ELOVL5: variants seen among roughly 807,000 people sequenced by gnomAD.
ELOVL5 encodes very long chain fatty acid elongase 5.
In ELOVL5, 8 loss-of-function variants were observed where a neutral mutation model predicts 38.6. The observed-to-expected ratio is 0.21, with a 90% CI of 0.12 to 0.37. ELOVL5 has a LOEUF of 0.37. Ranked by LOEUF, ELOVL5 falls within the 10% of genes least tolerant of loss-of-function variation. ELOVL5 has a pLI of 1.00. For missense variants in ELOVL5, 280 were observed against 367.8 expected, an observed-to-expected ratio of 0.76 and a Z score of 1.95; for synonymous variants, 127 against 133.7, an observed-to-expected ratio of 0.95 and a Z score of 0.34.
At chr6:53,300,010 C>CA (rs558986308) in intron 1 of ELOVL5, among the ~76,000 whole-genome samples, 279 of 152,164 alleles carry the variant, frequency 1.8e-3, no homozygotes, top group Middle Eastern at 6.8e-3. Flanking sequence ...GAAATGACTA[C>CA]AGTGAAAAGG....
chr6:53,294,591 C>G, intron 2 of ELOVL5: 1 of 1,387,554 alleles, frequency 7.2e-7, no homozygotes, highest in Non-Finnish European at 9.5e-7. Context: ...GTAATGCAAG[C>G]TAATAATTAT....
At chr6:53,312,947 A>C (rs1767902627) in intron 1 of ELOVL5, among the ~76,000 whole-genome samples, 1 of 152,224 alleles carries the variant, frequency 6.6e-6, no homozygotes, top group Non-Finnish European at 1.5e-5. Context: ...CAGGTGTTTC[A>C]AATACTCATT....
intron 2 of ELOVL5, chr6:53,293,964 T>A: frequency 2.1e-6 from 1 of 481,234 alleles, no homozygotes; most frequent in Non-Finnish European, 3.0e-6. Context: ...ACACCTTTTG[T>A]TCTCAGCTTT....
At chr6:53,330,753 G>C (rs1001580529) in intron 1 of ELOVL5, among the ~76,000 whole-genome samples, 6 of 151,788 alleles carry the variant, frequency 4.0e-5, no homozygotes, top group African/African-American at 1.4e-4. Context: ...ACATTGTACA[G>C]CTGCATAAAA....
Position 53,314,929 on chromosome 6 carries a change from G to A in ELOVL5, c.-8-19222C>T, listed in dbSNP as rs115397424. Among the ~76,000 whole-genome samples the A allele has an allele frequency of 9.6e-3, 1,468 of 152,274 alleles. 15 individuals carry two copies. Among genetic ancestry groups the A allele is most frequent in the Non-Finnish European group, 0.017 (1,160 of 68,016 alleles). Reference sequence around the variant, plus strand: ...GAAGAAAATTAATGTAACTACAGAAGCAGTGACATGTTTAAAATGTATTAT... The same window carrying A: ...GAAGAAAATTAATGTAACTACAGAAACAGTGACATGTTTAAAATGTATTAT... On this transcript the variant is annotated intron_variant, in intron 1 of 7. Coordinates refer to ENST00000304434, the MANE Select transcript of ELOVL5 (RefSeq NM_021814.5).
chr6:53,288,852 G>A (rs1449990603), intron 3 of ELOVL5, among the ~76,000 whole-genome samples: 2 of 152,164 alleles, frequency 1.3e-5, no homozygotes, highest in Non-Finnish European at 2.9e-5. Flanking sequence ...GATTGCTTGA[G>A]CCTAAGAGTT....
At position 53,269,132 on chromosome 6, in the gene ELOVL5, C is replaced by T; in HGVS notation, c.895G>A (p.Asp299Asn). 6.2e-7 allele frequency: 1 copy of T among 1,612,920 alleles called. No homozygotes were observed. Among genetic ancestry groups the T allele is most frequent in the East Asian group, 2.2e-5 (1 of 44,820 alleles). ...AGGGTTTCAATTCTTTGACTTCAATCCTTCCGCAGCTTCCTTGGCTTCACA... is the reference window on the plus strand; with the variant it reads ...AGGGTTTCAATTCTTTGACTTCAATTCTTCCGCAGCTTCCTTGGCTTCACA... Reference protein sequence around the residue: ...NNVKPRKLRKD With the variant: ...NNVKPRKLRKN Residue 299 changes from aspartate (D) to asparagine (N), a missense_variant, in exon 8 of 8, where the codon GAT (aspartate) becomes AAT (asparagine). Physicochemically the swap from Asp to Asn is conservative, Grantham distance 23. Around this residue, in one of 3 missense-constraint regions of ELOVL5, gnomAD observed 125 missense variants for 158.9 expected, o/e 0.79. Transcript: ENST00000304434.
At chr6:53,328,328 G>A (rs771103465) in intron 1 of ELOVL5, among the ~76,000 whole-genome samples, 1 of 152,076 alleles carries the variant, frequency 6.6e-6, no homozygotes, top group African/African-American at 2.4e-5. Context: ...AAAAAAATCT[G>A]AGCATCTGGA....
At chr6:53,333,849 G>C (rs894224129) in intron 1 of ELOVL5, among the ~76,000 whole-genome samples, 12 of 152,004 alleles carry the variant, frequency 7.9e-5, no homozygotes, top group African/African-American at 2.9e-4. Flanking sequence ...AGTATTCACT[G>C]AAAGTCTTTT....
intron 1 of ELOVL5, among the ~76,000 whole-genome samples, chr6:53,322,327 T>C (rs1768333407): frequency 6.6e-6 from 1 of 152,192 alleles, no homozygotes; most frequent in African/African-American, 2.4e-5. Flanking sequence ...GTTTTTTTAA[T>C]TATATATACA....
At chr6:53,298,620 G>A (rs1452906666) in intron 1 of ELOVL5, among the ~76,000 whole-genome samples, 3 of 152,072 alleles carry the variant, frequency 2.0e-5, no homozygotes, top group African/African-American at 7.2e-5. Flanking sequence ...CTGGCATGTA[G>A]GAAGCCCCCA....
chr6:53,338,938 A>G (rs1393840603), intron 1 of ELOVL5, among the ~76,000 whole-genome samples: 1 of 152,282 alleles, frequency 6.6e-6, no homozygotes, highest in African/African-American at 2.4e-5. Flanking sequence ...AATAAAGATT[A>G]GTTATGCAAC....
At chr6:53,299,258 G>A (rs1561874223) in intron 1 of ELOVL5, among the ~76,000 whole-genome samples, 1 of 152,126 alleles carries the variant, frequency 6.6e-6, no homozygotes, top group African/African-American at 2.4e-5. Context: ...TCAAACAGGA[G>A]GAATATGTCT....
chr6:53,285,352 A>G (rs1766528272), intron 3 of ELOVL5, among the ~76,000 whole-genome samples: 1 of 152,262 alleles, frequency 6.6e-6, no homozygotes, highest in African/African-American at 2.4e-5. Context: ...AGAGCAAGCC[A>G]CTAACTCACT....
chr6:53,316,422 T>G (rs924196983), intron 1 of ELOVL5, among the ~76,000 whole-genome samples: 1 of 151,982 alleles, frequency 6.6e-6, no homozygotes, highest in Non-Finnish European at 1.5e-5. Flanking sequence ...AGAGTAATAT[T>G]TAAGGCTTGC....
At chr6:53,282,475 G>C (rs1359327404) in intron 3 of ELOVL5, among the ~76,000 whole-genome samples, 1 of 152,236 alleles carries the variant, frequency 6.6e-6, no homozygotes, top group East Asian at 1.9e-4. Context: ...GAGGAATGAA[G>C]GATGTTTGAG....
chr6:53,343,464 T>C (rs112715161), intron 1 of ELOVL5, among the ~76,000 whole-genome samples: 8,280 of 152,232 alleles, frequency 0.054, 249 homozygotes, highest in Non-Finnish European at 0.065. Flanking sequence ...CTGCCCACCA[T>C]GGCTTCCCAA....
At chr6:53,302,859 C>T (rs907408383) in intron 1 of ELOVL5, among the ~76,000 whole-genome samples, 1 of 152,060 alleles carries the variant, frequency 6.6e-6, no homozygotes, top group Non-Finnish European at 1.5e-5. Context: ...AAACGTTTAG[C>T]TATTGTCTAG....
At chr6:53,346,075 C>T (rs963876588) in intron 1 of ELOVL5, among the ~76,000 whole-genome samples, 1 of 152,072 alleles carries the variant, frequency 6.6e-6, no homozygotes, top group South Asian at 2.1e-4. Context: ...CCCCACCACC[C>T]GATAGGCCCG....
Sources: allele counts gnomAD v4.1 joint callset (sites outside exome capture counted in the v4.1 genomes callset), GRCh38; gene constraint gnomAD v4.1.1; regional missense constraint gnomAD v4.1.1; transcripts MANE v1.5; gene names NCBI Gene and HGNC (gene_info 2026-07-23, HGNC 2026-07-21).